Variants in SYNE1 observed in about 807,000 individuals in gnomAD.
The protein encoded by SYNE1 is nesprin-1.
In SYNE1, 616 loss-of-function variants were observed where a neutral mutation model predicts 1,111.0. The ratio of observed to expected loss-of-function variants is 0.55; its 90% CI spans 0.52 to 0.59. The LOEUF (loss-of-function observed/expected upper bound fraction) is 0.59, where lower values mean the gene tolerates loss of function less well. Ranked by LOEUF, SYNE1 falls within the 20% of genes least tolerant of loss-of-function variation. The probability of loss-of-function intolerance (pLI) is 0.00; values close to 1 mark genes in which losing one functional copy is unlikely to be tolerated. For missense variants in SYNE1, 10,006 were observed against 10,417.0 expected (o/e 0.96, Z 1.72); for synonymous variants, 3,855 against 3,825.8 (o/e 1.01, Z -0.28).
chr6:152,492,024 C>T (rs764280391), intron 11 of SYNE1, among the ~76,000 whole-genome samples: 2 of 152,208 alleles, frequency 1.3e-5, no homozygotes, highest in Non-Finnish European at 1.5e-5. Flanking sequence ...GTGGCTGCAG[C>T]TCAAGGCAGA....
intron 72 of SYNE1, among the ~76,000 whole-genome samples, chr6:152,348,959 G>A (rs1383322316): frequency 6.6e-6 from 1 of 152,088 alleles, no homozygotes; most frequent in East Asian, 1.9e-4. Flanking sequence ...TCCATCATGA[G>A]GCCATTCATG....
chr6:152,618,240 C>A (rs2099666585), intron 3 of SYNE1, among the ~76,000 whole-genome samples: 1 of 152,152 alleles, frequency 6.6e-6, no homozygotes, highest in South Asian at 2.1e-4. Flanking sequence ...TGAAAATAAT[C>A]TGTGAGAAGC....
intron 99 of SYNE1, among the ~76,000 whole-genome samples, 165 bp downstream of exon 99, chr6:152,268,990 A>T (rs923728545): frequency 1.3e-5 from 2 of 152,242 alleles, no homozygotes; most frequent in Non-Finnish European, 2.9e-5. Flanking sequence ...CCCAGTGGTC[A>T]TGAGTCAATA....
intron 62 of SYNE1, among the ~76,000 whole-genome samples, chr6:152,365,935 C>T (rs1482345580): frequency 6.6e-6 from 1 of 152,220 alleles, no homozygotes; most frequent in Non-Finnish European, 1.5e-5. Flanking sequence ...ACACACTACG[C>T]TGTTCTTTCC....
intron 5 of SYNE1, among the ~76,000 whole-genome samples, chr6:152,522,797 T>G (rs965729789): frequency 6.6e-6 from 1 of 152,164 alleles, no homozygotes; most frequent in Non-Finnish European, 1.5e-5. Context: ...TGCATTTCCC[T>G]GATGACTAGT....
intron 3 of SYNE1, among the ~76,000 whole-genome samples, chr6:152,624,523 C>T (rs2099682126): frequency 6.6e-6 from 1 of 151,978 alleles, no homozygotes; most frequent in Non-Finnish European, 1.5e-5. Flanking sequence ...TAAATGGATC[C>T]CCTTTAGTTG....
At chr6:152,157,922 C>G (rs546396621) in intron 131 of SYNE1, among the ~76,000 whole-genome samples, 3 of 152,166 alleles carry the variant, frequency 2.0e-5, no homozygotes, top group East Asian at 3.9e-4. Flanking sequence ...CCATGCCTGG[C>G]TAATTTTTGT....
At chr6:152,630,693 C>T (rs1461283348) in intron 2 of SYNE1, among the ~76,000 whole-genome samples, 1 of 152,164 alleles carries the variant, frequency 6.6e-6, no homozygotes, top group Non-Finnish European at 1.5e-5. Context: ...ATGTTAAAGA[C>T]ATTCACTTCA....
rs755434048 is a variant in SYNE1 at position 152,450,748 on chromosome 6, C to T, written c.3272G>A (p.Arg1091Gln). Residue 1091 changes from arginine to glutamine, a missense_variant, in exon 27 of 146, where the codon CGG becomes CAG. Arg to Gln is a conservative substitution (Grantham distance 43, BLOSUM62 1). Around this residue, in one of 7 missense-constraint regions of SYNE1, gnomAD observed 1,971 missense variants for 2,084.1 expected, o/e 0.95. Coordinates refer to ENST00000367255, the MANE Select transcript of SYNE1 (RefSeq NM_182961.4). ...TCCAGGTGTGTCCCTTACTGGGTCC[C>T]GCACTGGGAGTTTCACACAGAGTTC... Reference protein sequence around the residue: ...IEELCVKLPVRDPVRDTPGTC... With the variant: ...IEELCVKLPVQDPVRDTPGTC... 38 of 1,613,952 alleles carry T rather than the reference C, an allele frequency of 2.4e-5. No individual in the cohort carries two copies. Among genetic ancestry groups the T allele is most frequent in the South Asian group, 3.3e-5 (3 of 91,082 alleles).
At chr6:152,393,800 T>C (rs1452408203) in intron 51 of SYNE1, among the ~76,000 whole-genome samples, 2 of 151,394 alleles carry the variant, frequency 1.3e-5, no homozygotes, top group Non-Finnish European at 2.9e-5. Flanking sequence ...AAACAGAAAA[T>C]GACTATGATC....
At chr6:152,473,676 T>C (rs889717380) in intron 14 of SYNE1, among the ~76,000 whole-genome samples, 2 of 152,102 alleles carry the variant, frequency 1.3e-5, no homozygotes, top group Non-Finnish European at 2.9e-5. Context: ...GAGCAGCTAT[T>C]GATGATGAGT....
intron 126 of SYNE1, among the ~76,000 whole-genome samples, chr6:152,205,485 TG>T (rs1721556670): frequency 6.6e-6 from 1 of 152,368 alleles, no homozygotes; most frequent in Non-Finnish European, 1.5e-5. Flanking sequence ...CTAAGTTAAC[TG>T]GGTCACTTGG....
chr6:152,166,465 C>G, intron 130 of SYNE1, among the ~76,000 whole-genome samples: 1 of 152,264 alleles, frequency 6.6e-6, no homozygotes, highest in East Asian at 1.9e-4. Flanking sequence ...AAAATTCATT[C>G]GTTTTTTTGG....
intron 16 of SYNE1, among the ~76,000 whole-genome samples, chr6:152,468,510 A>G (rs1253716934): frequency 6.6e-6 from 1 of 152,220 alleles, no homozygotes; most frequent in Non-Finnish European, 1.5e-5. Context: ...TCACTTACCA[A>G]TGGCATGTGG....
intron 72 of SYNE1, 121 bp from the exon 73 acceptor site, chr6:152,347,356 C>T (rs1476985571): frequency 4.2e-6 from 5 of 1,184,516 alleles, no homozygotes; most frequent in Non-Finnish European, 6.0e-6. Context: ...TTGCAATTTA[C>T]CTTAGTTATA....
chr6:152,359,278 C>A (rs1433986095), intron 65 of SYNE1, 37 bp downstream of exon 65: 1 of 1,612,712 alleles, frequency 6.2e-7, no homozygotes, highest in South Asian at 1.1e-5. Flanking sequence ...AAACACTCCC[C>A]TTTTGGTGAG....
At chr6:152,363,280 G>A (rs1463046833) in intron 63 of SYNE1, among the ~76,000 whole-genome samples, 7 of 148,060 alleles carry the variant, frequency 4.7e-5, no homozygotes, top group Non-Finnish European at 9.0e-5. Context: ...GGATCACGAG[G>A]TCAGGAGATC....
chr6:152,173,120 A>T (rs1040751926), intron 130 of SYNE1, among the ~76,000 whole-genome samples: 2 of 152,212 alleles, frequency 1.3e-5, no homozygotes, highest in African/African-American at 4.8e-5. Context: ...TAAAAAATTG[A>T]CAATGCTTGA....
intron 15 of SYNE1, 102 bp downstream of exon 15, chr6:152,472,199 C>T (rs1045931228): frequency 1.1e-5 from 11 of 966,254 alleles, no homozygotes; most frequent in African/African-American, 1.7e-5. Context: ...CAAAGGTAGG[C>T]GCCTCTGTTA....
Sources: gnomAD v4.1 joint callset for allele counts (sites outside exome capture counted in the v4.1 genomes callset) on GRCh38, gnomAD v4.1.1 for gene constraint, gnomAD v4.1.1 regional missense constraint, MANE v1.5 for transcripts, NCBI Gene and HGNC (gene_info 2026-07-23, HGNC 2026-07-21) for gene names.